The following EDIL3 variants were observed in gnomAD, a reference collection of about 807,000 sequenced individuals.
The protein encoded by EDIL3 is EGF like and discoidin domains 3.
In EDIL3, 37 loss-of-function variants were observed where a neutral mutation model predicts 67.4. The observed-to-expected ratio is 0.55, with a 90% confidence interval of 0.42 to 0.72. The LOEUF is 0.72. EDIL3 is among the 30% of genes least tolerant of loss of function. EDIL3 has a pLI of 0.00. For missense variants in EDIL3, 527 were observed against 586.3 expected (o/e 0.90, Z 1.04); for synonymous variants, 195 against 196.3 (o/e 0.99, Z 0.05).
chr5:84,121,816 T>G (rs1036649042), intron 5 of EDIL3, among the ~76,000 whole-genome samples: 2 of 152,036 alleles, frequency 1.3e-5, no homozygotes, highest in East Asian at 3.8e-4. Context: ...TCTAAGCATA[T>G]GTGTATCATA....
chr5:84,082,897 G>GT (rs1229477660), intron 6 of EDIL3, among the ~76,000 whole-genome samples: 1 of 152,098 alleles, frequency 6.6e-6, no homozygotes, highest in Admixed American at 6.6e-5. Context: ...CATATTAGGA[G>GT]TAAGTTTTTA....
chr5:84,364,508 T>C (rs560695672), intron 1 of EDIL3, among the ~76,000 whole-genome samples: 49 of 152,270 alleles, frequency 3.2e-4, no homozygotes, highest in Non-Finnish European at 5.0e-4. Flanking sequence ...TCTTCATCCC[T>C]TGATGTTATA....
chr5:84,012,930 C>T (rs1745541390), intron 9 of EDIL3, among the ~76,000 whole-genome samples: 1 of 151,856 alleles, frequency 6.6e-6, no homozygotes, highest in Non-Finnish European at 1.5e-5. Flanking sequence ...GGTATATTAT[C>T]ATTTATATGA....
At chr5:84,280,947 C>CAAAAAAAAAAAAAAAAAAAAAAAAAA (rs11302104) in intron 1 of EDIL3, among the ~76,000 whole-genome samples, 1 of 70,198 alleles carries the variant, frequency 1.4e-5, no homozygotes, top group Non-Finnish European at 2.5e-5. Flanking sequence ...AAGACTCTGT[C>CAAAAAAAAAAAAAAAAAAAAAAAAAA]AAAAAAAAAA....
chr5:84,120,098 C>T (rs1207861569), intron 5 of EDIL3, among the ~76,000 whole-genome samples: 4 of 151,802 alleles, frequency 2.6e-5, no homozygotes, highest in African/African-American at 4.8e-5. Flanking sequence ...TGAAGTGTCA[C>T]ATAAAGAAAG....
rs562238532 is a variant in EDIL3, at chr5:84,043,492, G to A, written c.1137+16808C>T. On this transcript the variant is annotated intron_variant, in intron 9 of 10. Transcript: ENST00000296591. ...AAACCAAGTTTGCGGATACACATAT[G>A]TTGTATATATTGTGCTGTACTGAAA... Among the ~76,000 whole-genome samples the A allele has an allele frequency of 2.6e-5, 4 of 152,260 alleles. No individual in the cohort carries two copies. In the South Asian group the frequency reaches 8.3e-4, roughly 32 times the overall value.
intron 6 of EDIL3, 29 bp downstream of exon 6, chr5:84,106,620 C>G (rs775315583): frequency 6.4e-7 from 1 of 1,550,556 alleles, no homozygotes; most frequent in Non-Finnish European, 8.7e-7. Flanking sequence ...TGACTTATAA[C>G]ATTAACCTTG....
chr5:84,193,884 T>C (rs1171667846), intron 3 of EDIL3, among the ~76,000 whole-genome samples: 3 of 151,974 alleles, frequency 2.0e-5, no homozygotes, highest in Non-Finnish European at 1.5e-5. Flanking sequence ...TGTTCATAAC[T>C]TCATGAATTG....
In EDIL3 at chr5:84,064,806, A is replaced by T; in HGVS notation, c.846T>A (p.Ala282=). ...CTTTTATGGGGGGTGTGAAAGAGTT[A>T]GCATATGGAGTGTTGTTATCAATGT... is the stretch of plus-strand genomic sequence containing the variant. The part of the protein sequence containing the change: ...RGNIDNNTPY[A]NSFTPPIKAQ... The change falls in exon 8 of 11, where the codon GCT becomes GCA. Residue 282 remains alanine, a synonymous_variant. Transcript: ENST00000296591. 1 of 1,613,624 alleles carries T rather than the reference A, an allele frequency of 6.2e-7. No homozygotes were observed. Among genetic ancestry groups the T allele is most frequent in the Non-Finnish European group, 8.5e-7 (1 of 1,179,686 alleles).
At chr5:84,193,961 T>C (rs1161821402) in intron 3 of EDIL3, among the ~76,000 whole-genome samples, 5 of 152,014 alleles carry the variant, frequency 3.3e-5, no homozygotes, top group African/African-American at 1.2e-4. Context: ...TAAGTGGCAT[T>C]ATTTTATACC....
intron 1 of EDIL3, among the ~76,000 whole-genome samples, chr5:84,367,010 T>C (rs1747751862): frequency 6.6e-6 from 1 of 152,200 alleles, no homozygotes; most frequent in Non-Finnish European, 1.5e-5. Flanking sequence ...ATACAATAGT[T>C]AAAACCAAGT....
chr5:84,332,598 A>T (rs1486504673), intron 1 of EDIL3, among the ~76,000 whole-genome samples: 2 of 152,102 alleles, frequency 1.3e-5, no homozygotes, highest in Non-Finnish European at 2.9e-5. Context: ...ACTAGTAGAG[A>T]CATAGGGTCT....
intron 1 of EDIL3, among the ~76,000 whole-genome samples, chr5:84,323,048 A>T (rs892213407): frequency 1.3e-5 from 2 of 151,996 alleles, no homozygotes; most frequent in African/African-American, 4.8e-5. Flanking sequence ...AGACCTATAA[A>T]ATCTATTATT....
intron 9 of EDIL3, among the ~76,000 whole-genome samples, chr5:84,038,378 C>G (rs1387551352): frequency 6.6e-6 from 1 of 152,122 alleles, no homozygotes; most frequent in African/African-American, 2.4e-5. Context: ...GGTGTGCTTG[C>G]TCTACAAACA....
intron 10 of EDIL3, 52 bp downstream of exon 10, chr5:83,963,153 T>G: frequency 1.3e-6 from 2 of 1,538,198 alleles, no homozygotes. Flanking sequence ...CAAACTTGGG[T>G]GTAATTTGAT....
At chr5:84,276,577 T>A (rs530079658) in intron 1 of EDIL3, among the ~76,000 whole-genome samples, 89 of 152,254 alleles carry the variant, frequency 5.8e-4, no homozygotes, top group African/African-American at 2.0e-3. Context: ...TATACTTATT[T>A]TTTTTAATTG....
chr5:84,143,478 C>T (rs1748240529), intron 4 of EDIL3, among the ~76,000 whole-genome samples: 2 of 152,050 alleles, frequency 1.3e-5, no homozygotes, highest in South Asian at 4.1e-4. Context: ...TATTCTCTGT[C>T]CATCTCTATC....
At chr5:83,964,050 T>C (rs535370390) in intron 9 of EDIL3, among the ~76,000 whole-genome samples, 3 of 151,996 alleles carry the variant, frequency 2.0e-5, no homozygotes, top group Admixed American at 6.6e-5. Context: ...TCATAATGTG[T>C]TCTTTTCTGC....
intron 4 of EDIL3, among the ~76,000 whole-genome samples, chr5:84,157,618 AT>A (rs1748517016): frequency 6.6e-6 from 1 of 152,072 alleles, no homozygotes; most frequent in Admixed American, 6.6e-5. Flanking sequence ...CTCAAAATCA[AT>A]TTCTTGGACC....
Sources: allele counts gnomAD v4.1 joint callset (sites outside exome capture counted in the v4.1 genomes callset), GRCh38; gene constraint gnomAD v4.1.1; transcripts MANE v1.5; gene names NCBI Gene and HGNC (gene_info 2026-07-23, HGNC 2026-07-21).